NLGN4Y: variants seen among roughly 807,000 people sequenced by gnomAD.
The protein encoded by NLGN4Y is neuroligin 4 Y-linked.
Under a neutral mutation model 8.4 loss-of-function variants are expected in NLGN4Y, and 4 were observed. The observed-to-expected ratio is 0.48, with a 90% CI of 0.23 to 1.09. The LOEUF is 1.09. NLGN4Y is among the 50% of genes least tolerant of loss of function. The probability of loss-of-function intolerance (pLI) is 0.19; values close to 1 mark genes in which losing one functional copy is unlikely to be tolerated. For synonymous variants in NLGN4Y, 35 were observed against 75.6 expected (o/e 0.46, Z 2.78); for missense variants, 90 against 192.3 (o/e 0.47, Z 3.15).
intron 2 of NLGN4Y, among the ~76,000 whole-genome samples, chrY:14,696,598 A>G (rs2080828368): frequency 3.1e-5 from 1 of 32,621 alleles, no homozygotes; most frequent in Non-Finnish European, 7.5e-5. Flanking sequence ...GGATCGAGGG[A>G]CCATTGCAAA....
chrY:14,756,788 A>G, intron 4 of NLGN4Y, among the ~76,000 whole-genome samples: 1 of 22,672 alleles, frequency 4.4e-5, no homozygotes, highest in African/African-American at 1.8e-4. Flanking sequence ...AATTAATTAA[A>G]TATTATATAT....
rs374311906 is a variant in NLGN4Y, at chrY:14,606,135, A to G, written c.-111-15874A>G. Among the ~76,000 whole-genome samples the G allele has an allele frequency of 8.8e-5, 3 of 34,128 alleles. No homozygotes were observed. In the East Asian group the frequency reaches 2.3e-3, roughly 27 times the overall value. The allele number at this position is 34,128 out of a possible 37,273, so 91.6% of individuals were successfully genotyped here. On this transcript the variant is annotated intron_variant, in intron 1 of 6. Coordinates refer to ENST00000684976, the MANE Select transcript of NLGN4Y (RefSeq NM_001365588.1). ...TGTCTGTAGCTTGCATAGTTTTGGGAATAGCTATTCTAGACTTTGTCAGTG... is the reference window on the plus strand; with the variant it reads ...TGTCTGTAGCTTGCATAGTTTTGGGGATAGCTATTCTAGACTTTGTCAGTG...
intron 4 of NLGN4Y, among the ~76,000 whole-genome samples, chrY:14,761,417 G>T (rs1031860721): frequency 8.9e-5 from 3 of 33,871 alleles, no homozygotes; most frequent in Admixed American, 2.7e-4. Flanking sequence ...TGTGCTTACT[G>T]CAAGAGCAAT....
intron 1 of NLGN4Y, among the ~76,000 whole-genome samples, chrY:14,562,526 C>A (rs1386213236): frequency 3.0e-5 from 1 of 33,621 alleles, no homozygotes; most frequent in Non-Finnish European, 7.4e-5. Flanking sequence ...ATTGTCTGGA[C>A]AATCTGGCCC....
chrY:14,708,735 C>T, intron 2 of NLGN4Y, among the ~76,000 whole-genome samples: 1 of 33,624 alleles, frequency 3.0e-5, no homozygotes, highest in Non-Finnish European at 7.4e-5. Flanking sequence ...ATGAGTTAAG[C>T]CATGTTCACA....
chrY:14,566,109 T>C, intron 1 of NLGN4Y, among the ~76,000 whole-genome samples: 1 of 33,170 alleles, frequency 3.0e-5, no homozygotes, highest in South Asian at 6.8e-4. Context: ...AGAAACTGCA[T>C]CAATTAATGG....
chrY:14,644,365 G>A (rs2080602129), intron 2 of NLGN4Y, among the ~76,000 whole-genome samples: 1 of 32,482 alleles, frequency 3.1e-5, no homozygotes, highest in Non-Finnish European at 7.5e-5. Context: ...GAAATTTGAC[G>A]AATGAGTCAC....
chrY:14,573,964 G>C (rs2080286325), intron 1 of NLGN4Y, among the ~76,000 whole-genome samples: 1 of 33,815 alleles, frequency 3.0e-5, no homozygotes, highest in Admixed American at 2.7e-4. Flanking sequence ...CTGAGAGACA[G>C]TTTGTTATGA....
At chrY:14,615,197 G>T (rs771518991) in intron 1 of NLGN4Y, among the ~76,000 whole-genome samples, 17 of 32,784 alleles carry the variant, frequency 5.2e-4, no homozygotes, top group Non-Finnish European at 1.1e-3. Context: ...TCTTTTTGTG[G>T]CAATTGTGAA....
intron 1 of NLGN4Y, among the ~76,000 whole-genome samples, chrY:14,594,360 A>G (rs2080386482): frequency 6.1e-5 from 2 of 33,017 alleles, no homozygotes; most frequent in South Asian, 1.4e-3. Flanking sequence ...TTATTGGACA[A>G]TCTTTTTTAA....
rs373818932 is a variant in NLGN4Y at position 14,776,340 on chromosome Y, A to G, written c.686-47848A>G. ...AAACATATATTACATCATATATTAC[A>G]GATTAGCTATATATAACATATTTGT... On this transcript the variant is annotated intron_variant, in intron 4 of 6. Coordinates refer to ENST00000684976, the MANE Select transcript of NLGN4Y (RefSeq NM_001365588.1). Among the ~76,000 whole-genome samples the G allele has an allele frequency of 0.013, 404 of 30,787 alleles. No individual in the cohort carries two copies. The Middle Eastern group carries it at 0.26, about 20-fold the overall frequency. The allele number at this position is 30,787 out of a possible 37,273, so 82.6% of individuals were successfully genotyped here. A position where few individuals can be genotyped will look rare whatever the true frequency, so the allele number is the denominator to read the frequency against.
chrY:14,716,848 C>T, intron 2 of NLGN4Y, among the ~76,000 whole-genome samples: 1 of 33,929 alleles, frequency 2.9e-5, no homozygotes, highest in Non-Finnish European at 7.3e-5. Context: ...AGTAATAAGA[C>T]ACAAATTATT....
intron 1 of NLGN4Y, among the ~76,000 whole-genome samples, chrY:14,525,236 C>CT (rs2080089191): frequency 3.0e-5 from 1 of 33,800 alleles, no homozygotes; most frequent in Non-Finnish European, 7.4e-5. Context: ...CTTGAGAAGG[C>CT]TTTTTCTTTT....
chrY:14,581,344 G>A, intron 1 of NLGN4Y, among the ~76,000 whole-genome samples: 1 of 32,144 alleles, frequency 3.1e-5, no homozygotes, highest in Non-Finnish European at 7.5e-5. Context: ...TTAGCTTTAA[G>A]GACATTCTAA....
chrY:14,634,733 C>T (rs1006037175), intron 2 of NLGN4Y, among the ~76,000 whole-genome samples: 2 of 34,149 alleles, frequency 5.9e-5, no homozygotes, highest in African/African-American at 2.3e-4. Context: ...AGGAAAAGTA[C>T]CCATAATTTA....
intron 2 of NLGN4Y, among the ~76,000 whole-genome samples, chrY:14,666,799 A>G: frequency 6.1e-5 from 2 of 32,888 alleles, no homozygotes; most frequent in Non-Finnish European, 7.5e-5. Context: ...TCTACTCTCC[A>G]TCTTATTAAA....
chrY:14,704,267 G>T, intron 2 of NLGN4Y, among the ~76,000 whole-genome samples: 1 of 33,059 alleles, frequency 3.0e-5, no homozygotes, highest in Non-Finnish European at 7.4e-5. Context: ...TCCAGTTTTT[G>T]CCCATTCTGT....
Position 14,719,485 on chromosome Y carries a change from G to T in NLGN4Y, c.499G>T (p.Asp167Tyr). Residue 167 changes from aspartate (D) to tyrosine (Y), a missense_variant, in exon 3 of 7, where the codon GAT becomes TAT. This residue lies in a region of NLGN4Y where 37 missense variants were observed against 38.5 expected (regional missense o/e 0.96). Transcript: ENST00000684976. ...AACCAACATAAAGAGAAATGCAGACGATATAACCAGTAATGACCATGGTGA... is the reference window on the plus strand; with the variant it reads ...AACCAACATAAAGAGAAATGCAGACTATATAACCAGTAATGACCATGGTGA... ...DGTNIKRNAD[D>Y]ITSNDHGEDK... The T allele has an allele frequency of 2.8e-6, 1 of 353,039 alleles. No individual in the cohort carries two copies. Among genetic ancestry groups the T allele is most frequent in the Non-Finnish European group, 3.9e-6 (1 of 255,327 alleles). The allele number at this position is 353,039 out of a possible 400,897, so 88.1% of individuals were successfully genotyped here.
At chrY:14,599,103 AAC>A (rs2080417828) in intron 1 of NLGN4Y, among the ~76,000 whole-genome samples, 1 of 28,150 alleles carries the variant, frequency 3.6e-5, no homozygotes. Context: ...AGTATATATA[AAC>A]ACACACACAG....
Sources: gnomAD v4.1 joint callset for allele counts (sites outside exome capture counted in the v4.1 genomes callset) on GRCh38, gnomAD v4.1.1 for gene constraint, gnomAD v4.1.1 regional missense constraint, MANE v1.5 for transcripts, NCBI Gene and HGNC (gene_info 2026-07-23, HGNC 2026-07-21) for gene names.